Variants in CDK18 observed in about 807,000 individuals in gnomAD.
The protein encoded by CDK18 is cyclin dependent kinase 18.
CDK18 carries 52 observed loss-of-function variants against 62.0 expected under a neutral mutation model. That is an observed-to-expected ratio of 0.84 (90% CI 0.67 to 1.06). The LOEUF (loss-of-function observed/expected upper bound fraction) is 1.06, where lower values mean the gene tolerates loss of function less well. CDK18 is among the 50% of genes least tolerant of loss of function. The probability of loss-of-function intolerance (pLI) is 0.00; values close to 1 mark genes in which losing one functional copy is unlikely to be tolerated. For missense variants in CDK18, 604 were observed against 619.9 expected, an observed-to-expected ratio of 0.97 and a Z score of 0.27; for synonymous variants, 237 against 247.0, an observed-to-expected ratio of 0.96 and a Z score of 0.38.
intron 4 of CDK18, among the ~76,000 whole-genome samples, chr1:205,524,629 T>C (rs1668327961): frequency 6.6e-6 from 1 of 152,250 alleles, no homozygotes; most frequent in Admixed American, 6.5e-5. Flanking sequence ...AGCTGGCATG[T>C]GCCTTCCAGT....
rs1211782486 is a variant in CDK18, at chr1:205,516,364, G to C, written c.-21-6783G>C. 6.6e-6 allele frequency among the ~76,000 whole-genome samples: 1 copy of C among 152,170 alleles called. No individual in the cohort carries two copies. The highest frequency in any genetic ancestry group is 2.4e-5 in the African/African-American group (1 of 41,448). ...GGAGATAGGGTGTCATAGGGATCCT[G>C]GCTGGTGGTCAGCCTTCGTGACTGA... On this transcript the variant is annotated intron_variant, in intron 1 of 15. Transcript: ENST00000429964. The surrounding 1 kb of genome is among the most constrained non-coding windows in gnomAD (Gnocchi z 4.8).
intron 1 of CDK18, among the ~76,000 whole-genome samples, chr1:205,505,529 G>T (rs1234581867): frequency 1.3e-5 from 2 of 152,214 alleles, no homozygotes; most frequent in Non-Finnish European, 2.9e-5. Context: ...AGGCTGGGTG[G>T]GGCCGGGGGG....
intron 11 of CDK18, 38 bp from the exon 12 acceptor site, chr1:205,529,286 C>A (rs759018539): frequency 6.3e-7 from 1 of 1,579,848 alleles, no homozygotes; most frequent in African/African-American, 1.3e-5. Context: ...GGCCCTGGGC[C>A]TCACGCAGGC....
chr1:205,530,447 A>G, intron 14 of CDK18, 98 bp downstream of exon 14: 1 of 1,364,804 alleles, frequency 7.3e-7, no homozygotes. Context: ...CAGAGGCCCC[A>G]GCCCCAGCAG....
intron 1 of CDK18, among the ~76,000 whole-genome samples, chr1:205,507,677 C>T (rs1333764648): frequency 1.3e-5 from 2 of 149,216 alleles, no homozygotes; most frequent in East Asian, 3.9e-4. Context: ...TGCACAGTGC[C>T]TGGCATGTAG....
rs148445915 is a variant in CDK18, at chr1:205,530,701, G to A, written c.1386G>A (p.Gln462=). Residue 462 remains glutamine (Q), a synonymous_variant, in exon 15 of 16, where the codon CAG becomes CAA. Coordinates refer to ENST00000429964, the MANE Select transcript of CDK18 (RefSeq NM_212502.3). ...GCTACCGAGGCTTGGCCTTCCAGCAGCCAGGTAGGGGCTTGTGCTCTCCTG... is the reference window on the plus strand; with the variant it reads ...GCTACCGAGGCTTGGCCTTCCAGCAACCAGGTAGGGGCTTGTGCTCTCCTG... ...DPGYRGLAFQ[Q]PGRGKNRRQS... is the part of the protein sequence containing the mutation. 185 of 1,613,416 alleles carry A rather than the reference G, an allele frequency of 1.1e-4. 3 individuals carry two copies. In the African/African-American group the frequency reaches 2.0e-3, roughly 18 times the overall value.
intron 13 of CDK18, 121 bp downstream of exon 13, chr1:205,529,684 C>G: frequency 6.4e-7 from 1 of 1,563,006 alleles, no homozygotes; most frequent in Non-Finnish European, 8.6e-7. Context: ...TGAAACATCT[C>G]CCCTGTACTC....
intron 4 of CDK18, among the ~76,000 whole-genome samples, chr1:205,524,720 C>T (rs1246672936): frequency 6.6e-6 from 1 of 152,204 alleles, no homozygotes; most frequent in Non-Finnish European, 1.5e-5. Flanking sequence ...TCAGCCTCTC[C>T]GGCTAGGGGG....
rs190241675 is a variant in CDK18 at position 205,515,544 on chromosome 1, G to A, written c.-21-7603G>A. Among the ~76,000 whole-genome samples, 335 of 152,306 alleles carry A rather than the reference G, an allele frequency of 2.2e-3. 2 individuals are homozygous for A. Among genetic ancestry groups the A allele is most frequent in the Middle Eastern group, 0.017 (5 of 294 alleles). On this transcript the variant is annotated intron_variant, in intron 1 of 15. Transcript: ENST00000429964. ...CAGCTGAGAAAGTTAAGTCTAGGACGCTGATGGCAGTTGGATTGGAGGCCA... is the reference window on the plus strand; with the variant it reads ...CAGCTGAGAAAGTTAAGTCTAGGACACTGATGGCAGTTGGATTGGAGGCCA...
In CDK18 at chr1:205,528,796, G is replaced by T. The variant is rs1407529864; in HGVS notation, c.975-203G>T. On this transcript the variant is annotated intron_variant, in intron 10 of 15. Transcript: ENST00000429964. The surrounding 1 kb of genome is among the most constrained non-coding windows in gnomAD (Gnocchi z 4.2). ...AGAGTGAAAGTCGCAGCTTTCCCGA[G>T]CCCAGGGAAGCCCCCCAGAGAGGGG... The T allele has an allele frequency of 1.3e-5, 6 of 471,664 alleles. No homozygotes were observed. The highest frequency in any genetic ancestry group is 2.3e-5 in the Non-Finnish European group (6 of 265,880). The allele number at this position is 471,664 out of a possible 1,614,324, so 29.2% of individuals were successfully genotyped here.
rs1463955844 is a variant in CDK18 at position 205,516,597 on chromosome 1, C to T, written c.-21-6550C>T. 6.6e-6 allele frequency among the ~76,000 whole-genome samples: 1 copy of T among 152,190 alleles called. No individual in the cohort carries two copies. The highest frequency in any genetic ancestry group is 2.4e-5 in the African/African-American group (1 of 41,446). ...ACACATGCCTGCTGTATGCCACCAG[C>T]ACCAGGCATAGAGACCAACGTGCTC... On this transcript the variant is annotated intron_variant, in intron 1 of 15. Transcript: ENST00000429964. The surrounding 1 kb of genome is among the most constrained non-coding windows in gnomAD (Gnocchi z 4.8).
Position 205,530,662 on chromosome 1 carries a change from C to A in CDK18, c.1347C>A (p.Leu449=). Residue 449 remains leucine (L), a synonymous_variant, in exon 15 of 16, where the codon CTC becomes CTA. Transcript: ENST00000429964. ...TCTTCTCCCTGAAGGAGATCCAGCT[C>A]CAGAAGGACCCAGGCTACCGAGGCT... ...ASIFSLKEIQ[L]QKDPGYRGLA... 6.2e-7 allele frequency: 1 copy of A among 1,613,932 alleles called. No homozygotes were observed. The highest frequency in any genetic ancestry group is 2.2e-5 in the East Asian group (1 of 44,888).
intron 1 of CDK18, among the ~76,000 whole-genome samples, chr1:205,518,950 C>G (rs1454529398): frequency 1.3e-5 from 2 of 152,176 alleles, no homozygotes; most frequent in African/African-American, 4.8e-5. Context: ...GCCTGCCCAC[C>G]CTGCAGCTCC....
At chr1:205,508,461 C>T (rs1412251348) in intron 1 of CDK18, among the ~76,000 whole-genome samples, 1 of 152,196 alleles carries the variant, frequency 6.6e-6, no homozygotes, top group Non-Finnish European at 1.5e-5. Flanking sequence ...GGTTCAGCAG[C>T]AAGTCTGGAA....
chr1:205,523,387 CCTTA>C, intron 2 of CDK18, 90 bp downstream of exon 2: 5 of 1,568,680 alleles, frequency 3.2e-6, no homozygotes, highest in Non-Finnish European at 4.4e-6. Flanking sequence ...TCCCCACTGG[CCTTA>C]GGGGAGGAGC....
intron 3 of CDK18, 64 bp from the exon 4 acceptor site, chr1:205,524,168 G>T (rs1668294199): frequency 1.3e-6 from 2 of 1,596,060 alleles, no homozygotes; most frequent in Admixed American, 3.3e-5. Context: ...AAAGTCTGGA[G>T]CCCCACAGCC....
At position 205,531,776 on chromosome 1, in the gene CDK18, C is replaced by T. The variant is rs1668749931; in HGVS notation, c.*398C>T. The T allele has an allele frequency of 4.7e-6, 1 of 212,906 alleles. No homozygotes were observed. 13.2% of individuals were successfully genotyped at this position (212,906 alleles called of 1,614,324 possible). ...CTCTACCCTCCTCCCCCAGGACCTG[C>T]CTAGTGCCAGTTTGGTAGTCCCCCT... On this transcript the variant is annotated 3_prime_UTR_variant, in exon 16 of 16. Transcript: ENST00000429964.
intron 13 of CDK18, chr1:205,529,894 T>A: frequency 7.3e-7 from 1 of 1,365,340 alleles, no homozygotes. Flanking sequence ...CGGGACACAC[T>A]TAGTGTGGTG....
rs746006314 is a variant in CDK18 at position 205,528,965 on chromosome 1, G to A, written c.975-34G>A. 6.8e-7 allele frequency: 1 copy of A among 1,463,662 alleles called. No homozygotes were observed. Among genetic ancestry groups the A allele is most frequent in the Non-Finnish European group, 9.3e-7 (1 of 1,069,992 alleles). The allele number at this position is 1,463,662 out of a possible 1,614,324, so 90.7% of individuals were successfully genotyped here. On this transcript the variant is annotated intron_variant, in intron 10 of 15. Transcript: ENST00000429964. The surrounding 1 kb of genome is among the most constrained non-coding windows in gnomAD (Gnocchi z 4.2). The stretch of plus-strand genomic sequence containing the variant: ...AGCCCTAGGAAGGGCGGCCGCCCCT[G>A]CCTGATGCCGACCCTACCCCTTGCT...
Sources: gnomAD v4.1 joint callset for allele counts (sites outside exome capture counted in the v4.1 genomes callset) on GRCh38, gnomAD v4.1.1 for gene constraint, Gnocchi (gnomAD v3.1) non-coding constraint, MANE v1.5 for transcripts, NCBI Gene and HGNC (gene_info 2026-07-23, HGNC 2026-07-21) for gene names.